Variants in PDE11A observed in about 807,000 individuals in gnomAD.
The protein encoded by PDE11A is phosphodiesterase 11A.
In PDE11A, 100 loss-of-function variants were observed where a neutral mutation model predicts 100.5. The ratio of observed to expected loss-of-function variants is 1.00; its 90% CI spans 0.85 to 1.18. The LOEUF (loss-of-function observed/expected upper bound fraction) is 1.18. PDE11A is among the 50% of genes most tolerant of loss of function. The pLI, the probability that PDE11A is intolerant of heterozygous loss-of-function variation, is 0.00. For synonymous variants in PDE11A, 381 were observed against 420.8 expected (o/e 0.91, Z 1.16); for missense variants, 1,141 against 1,152.6 (o/e 0.99, Z 0.15).
intron 1 of PDE11A, among the ~76,000 whole-genome samples, chr2:178,059,467 G>C (rs920232332): frequency 1.3e-5 from 2 of 152,178 alleles, no homozygotes; most frequent in Non-Finnish European, 2.9e-5. Flanking sequence ...ACCATGGGTC[G>C]GGTGGCTGCC....
intron 9 of PDE11A, among the ~76,000 whole-genome samples, chr2:177,782,024 A>C (rs570290944): frequency 6.6e-6 from 1 of 152,290 alleles, no homozygotes; most frequent in East Asian, 1.9e-4. Context: ...TTTAAATCTC[A>C]ATCTAATTTT....
chr2:177,918,554 C>T (rs2084988417), intron 2 of PDE11A, among the ~76,000 whole-genome samples: 1 of 152,066 alleles, frequency 6.6e-6, no homozygotes, highest in Non-Finnish European at 1.5e-5. Flanking sequence ...TAGGGAAAAG[C>T]AATAAGGCAA....
At chr2:177,632,934 C>G (rs1486751012) in intron 19 of PDE11A, among the ~76,000 whole-genome samples, 1 of 152,184 alleles carries the variant, frequency 6.6e-6, no homozygotes, top group Non-Finnish European at 1.5e-5. Flanking sequence ...TGCCAGCCAG[C>G]CAGTTTTTTC....
chr2:177,765,505 G>A (rs2082226454), intron 10 of PDE11A, among the ~76,000 whole-genome samples: 1 of 152,180 alleles, frequency 6.6e-6, no homozygotes, highest in South Asian at 2.1e-4. Flanking sequence ...CACTGAGCCT[G>A]CATTGATTCC....
chr2:177,928,061 G>T (rs955270033), intron 2 of PDE11A, among the ~76,000 whole-genome samples: 1 of 132,456 alleles, frequency 7.5e-6, no homozygotes, highest in Non-Finnish European at 1.5e-5. Flanking sequence ...CCGAGATCGC[G>T]CCATTGCACT....
intron 4 of PDE11A, among the ~76,000 whole-genome samples, chr2:177,882,818 C>A (rs2084365456): frequency 6.6e-6 from 1 of 152,086 alleles, no homozygotes; most frequent in Admixed American, 6.6e-5. Flanking sequence ...TCTCTCTGTT[C>A]TTTTAACTTA....
intron 17 of PDE11A, among the ~76,000 whole-genome samples, chr2:177,671,907 T>C (rs944967480): frequency 3.3e-5 from 5 of 152,188 alleles, no homozygotes; most frequent in African/African-American, 1.2e-4. Flanking sequence ...CCTTGAGTCC[T>C]TGACATGCGT....
chr2:177,669,708 T>C (rs2105487746), intron 17 of PDE11A, 141 bp from the exon 18 acceptor site: 3 of 657,572 alleles, frequency 4.6e-6, no homozygotes, highest in South Asian at 1.7e-5. Flanking sequence ...TATTAACCTT[T>C]CATGTTTGAA....
intron 2 of PDE11A, among the ~76,000 whole-genome samples, chr2:177,931,162 A>G (rs1260432196): frequency 7.7e-5 from 5 of 64,874 alleles, no homozygotes; most frequent in African/African-American, 2.2e-4. Context: ...GTCTCAAAAA[A>G]CAAAACAAAA....
At chr2:178,024,880 G>A (rs911219162) in intron 1 of PDE11A, among the ~76,000 whole-genome samples, 1 of 152,150 alleles carries the variant, frequency 6.6e-6, no homozygotes, top group Non-Finnish European at 1.5e-5. Context: ...GGAAGGCAAA[G>A]CTTTCGAAAA....
chr2:178,061,235 C>T (rs532526421), intron 1 of PDE11A, among the ~76,000 whole-genome samples: 2 of 152,060 alleles, frequency 1.3e-5, no homozygotes, highest in African/African-American at 4.8e-5. Flanking sequence ...TTGGCAGAGT[C>T]GGGCAGTGGG....
chr2:178,052,255 G>A (rs962414870), intron 1 of PDE11A, among the ~76,000 whole-genome samples: 3 of 152,198 alleles, frequency 2.0e-5, no homozygotes, highest in Admixed American at 1.3e-4. Context: ...ACCTGCTCCT[G>A]AATGACTACT....
chr2:178,035,716 G>T (rs867871282), intron 1 of PDE11A, among the ~76,000 whole-genome samples: 52 of 152,282 alleles, frequency 3.4e-4, no homozygotes, highest in Admixed American at 1.0e-3. Flanking sequence ...TGCAAGGCTG[G>T]TTCAACATAC....
At chr2:178,050,109 A>G (rs1416483693) in intron 1 of PDE11A, among the ~76,000 whole-genome samples, 2 of 151,132 alleles carry the variant, frequency 1.3e-5, no homozygotes, top group Admixed American at 1.3e-4. Flanking sequence ...CAGTAGGGGC[A>G]GACTGACACC....
chr2:177,658,076 A>G (rs1461916112), intron 19 of PDE11A, among the ~76,000 whole-genome samples: 1 of 152,158 alleles, frequency 6.6e-6, no homozygotes, highest in Non-Finnish European at 1.5e-5. Flanking sequence ...CCCACACCAT[A>G]GTCACACGGG....
Position 178,072,114 on chromosome 2 carries a change from GC to G in PDE11A, c.323del (p.Gly108AlafsTer14), listed in dbSNP as rs1004048600. 11 of 1,613,812 alleles carry G rather than the reference GC, an allele frequency of 6.8e-6. No individual in the cohort carries two copies. The highest frequency in any genetic ancestry group is 9.3e-6 in the Non-Finnish European group (11 of 1,179,786). ...AAGCTCTCCGCTGCAGGTTCCCATC[GC>G]CCCTGCTGCCACCGGCCCAGCTGGG... is the stretch of plus-strand genomic sequence containing the variant. ...LSPSWAGGSR[G>X]DGNLQRRASQ... On this transcript the variant is annotated frameshift_variant, in exon 1 of 20. Transcript: ENST00000286063. LOFTEE classifies it high-confidence loss of function.
chr2:177,943,331 C>G (rs1488916995), intron 2 of PDE11A, among the ~76,000 whole-genome samples: 1 of 152,218 alleles, frequency 6.6e-6, no homozygotes, highest in East Asian at 1.9e-4. Flanking sequence ...ATTTTACAGT[C>G]CCACTAGTAC....
At chr2:178,064,652 TAAA>T in intron 1 of PDE11A, among the ~76,000 whole-genome samples, 1 of 138,910 alleles carries the variant, frequency 7.2e-6, no homozygotes, top group Non-Finnish European at 1.6e-5. Flanking sequence ...GTTATTATGT[TAAA>T]AAAAAAAAAA....
chr2:177,698,221 G>A (rs1373405853), intron 14 of PDE11A, among the ~76,000 whole-genome samples: 1 of 152,190 alleles, frequency 6.6e-6, no homozygotes, highest in Non-Finnish European at 1.5e-5. Context: ...TCTTGGCACA[G>A]TGGGACTCTA....
Sources: gnomAD v4.1 joint callset for allele counts (sites outside exome capture counted in the v4.1 genomes callset) on GRCh38, gnomAD v4.1.1 for gene constraint, MANE v1.5 for transcripts, NCBI Gene and HGNC (gene_info 2026-07-23, HGNC 2026-07-21) for gene names.